The following MYCBP2 variants were observed in gnomAD, a reference collection of about 807,000 sequenced individuals.
MYCBP2 encodes the protein E3 ubiquitin-protein ligase MYCBP2.
MYCBP2 carries 120 observed loss-of-function variants against 525.3 expected under a neutral mutation model. The ratio of observed to expected loss-of-function variants is 0.23; its 90% CI spans 0.20 to 0.27. The LOEUF is 0.27. Ranked by LOEUF, MYCBP2 falls within the 10% of genes least tolerant of loss-of-function variation. The pLI is 1.00. For synonymous variants in MYCBP2, 1,894 were observed against 1,955.8 expected, an observed-to-expected ratio of 0.97 and a Z score of 0.83; for missense variants, 4,149 against 5,657.1, an observed-to-expected ratio of 0.73 and a Z score of 8.55.
At chr13:77,272,210 T>G (rs2074996062) in intron 5 of MYCBP2, 1 of 152,234 alleles carries the variant, frequency 6.6e-6, no homozygotes, top group African/African-American at 2.4e-5. Context: ...AATATTTCAC[T>G]CTTACTCTCA....
In MYCBP2 at chr13:77,144,445, C is replaced by T. The variant is rs1183326913; in HGVS notation, c.7303G>A (p.Asp2435Asn). Residue 2435 changes from aspartate (D) to asparagine (N), a missense_variant and splice_region_variant, in exon 49 of 83, where the codon GAT becomes AAT. Coordinates refer to ENST00000544440, the MANE Select transcript of MYCBP2 (RefSeq NM_015057.5). ...LHVTIDGIEI[D>N]AGLEVKVKDP... ...TAGCTCATGGCTTTAAAGAAAATAC[C>T]GATTTCAATGCCATCAATGGTAACA... The T allele has an allele frequency of 2.5e-6, 4 of 1,599,804 alleles. No individual in the cohort carries two copies. The highest frequency in any genetic ancestry group is 1.3e-5 in the African/African-American group (1 of 74,480).
intron 14 of MYCBP2, among the ~76,000 whole-genome samples, chr13:77,255,177 C>T (rs762469734): frequency 5.3e-5 from 8 of 151,876 alleles, no homozygotes; most frequent in Admixed American, 3.3e-4. Context: ...CACCTTCATA[C>T]GAATGAAAAA....
intron 10 of MYCBP2, 143 bp downstream of exon 10, chr13:77,263,508 A>G (rs2073638728): frequency 5.0e-6 from 3 of 602,954 alleles, no homozygotes; most frequent in East Asian, 5.8e-5. Context: ...TATTAATTCA[A>G]AATTATCCTT....
intron 2 of MYCBP2, among the ~76,000 whole-genome samples, chr13:77,295,477 G>A (rs2078083257): frequency 6.6e-6 from 1 of 152,122 alleles, no homozygotes; most frequent in Non-Finnish European, 1.5e-5. Flanking sequence ...TCAAGATAGA[G>A]CCACCAAATA....
At chr13:77,083,599 G>A (rs1362398304) in intron 62 of MYCBP2, among the ~76,000 whole-genome samples, 1 of 151,824 alleles carries the variant, frequency 6.6e-6, no homozygotes, top group Non-Finnish European at 1.5e-5. Context: ...TAGAAGTTGG[G>A]GTGGTCACTA....
At chr13:77,286,292 G>T (rs2154357078) in intron 3 of MYCBP2, among the ~76,000 whole-genome samples, 1 of 152,230 alleles carries the variant, frequency 6.6e-6, no homozygotes, top group South Asian at 2.1e-4. Context: ...TATCAGTTTA[G>T]TAAAAAGGCA....
At chr13:77,187,777 T>G (rs2060868465) in intron 30 of MYCBP2, among the ~76,000 whole-genome samples, 1 of 151,882 alleles carries the variant, frequency 6.6e-6, no homozygotes, top group South Asian at 2.1e-4. Flanking sequence ...CCGGGTGCGG[T>G]GGCTCACACC....
intron 55 of MYCBP2, among the ~76,000 whole-genome samples, chr13:77,112,330 TTTATA>T (rs1339398107): frequency 6.8e-6 from 1 of 146,038 alleles, no homozygotes; most frequent in Non-Finnish European, 1.5e-5. Flanking sequence ...TAATGTTTTA[TTTATA>T]TAATATATAT....
At chr13:77,284,942 A>T (rs1338487997) in intron 3 of MYCBP2, among the ~76,000 whole-genome samples, 1 of 152,218 alleles carries the variant, frequency 6.6e-6, no homozygotes, top group Non-Finnish European at 1.5e-5. Context: ...GAACCCCAGC[A>T]GTTTGGCTCC....
intron 23 of MYCBP2, among the ~76,000 whole-genome samples, chr13:77,208,602 C>G (rs1038099739): frequency 6.6e-6 from 1 of 152,000 alleles, no homozygotes; most frequent in African/African-American, 2.4e-5. Context: ...AGCAAAAAAT[C>G]TAACTTTTAG....
At chr13:77,268,128 T>C (rs921341202) in intron 7 of MYCBP2, among the ~76,000 whole-genome samples, 191 bp from the exon 8 acceptor site, 2 of 152,106 alleles carry the variant, frequency 1.3e-5, no homozygotes, top group Non-Finnish European at 2.9e-5. Flanking sequence ...TTATTGAAAA[T>C]TGATGTAACA....
chr13:77,089,046 G>T lies in MYCBP2; in HGVS notation c.10526-15C>A, dbSNP rs768685205. 1.3e-6 allele frequency: 2 copies of T among 1,584,676 alleles called. No individual in the cohort carries two copies. Among genetic ancestry groups the T allele is most frequent in the Non-Finnish European group, 1.7e-6 (2 of 1,163,760 alleles). On this transcript the variant is annotated splice_polypyrimidine_tract_variant and intron_variant, in intron 60 of 82. Transcript: ENST00000544440. ...AGAACCAACTTCTATTAAAGAAAAA[G>T]AAAATTATTAATTTTCATAGGCAGT...
chr13:77,051,215 C>T, intron 81 of MYCBP2, 53 bp from the exon 82 acceptor site: 1 of 1,518,104 alleles, frequency 6.6e-7, no homozygotes, highest in African/African-American at 1.4e-5. Flanking sequence ...CTATTTCAAT[C>T]ACACTTAAGA....
Position 77,097,956 on chromosome 13 carries a change from A to T in MYCBP2, c.9198T>A (p.Ala3066=). 2 of 1,613,482 alleles carry T rather than the reference A, an allele frequency of 1.2e-6. No individual in the cohort carries two copies. Among genetic ancestry groups the T allele is most frequent in the Non-Finnish European group, 1.7e-6 (2 of 1,179,740 alleles). Residue 3066 remains alanine (A), a synonymous_variant, in exon 56 of 83, where the codon GCT becomes GCA. Coordinates refer to ENST00000544440, the MANE Select transcript of MYCBP2 (RefSeq NM_015057.5). The part of the protein sequence containing the change: ...KFHPELSKEH[A]PIRSSLNSQQ... ...GGCTATTTAAACTACTCCTTATAGG[A>T]GCATGTTCTTTGGAAAGTTCAGGAT...
chr13:77,138,002 T>C (rs186195232), intron 52 of MYCBP2, among the ~76,000 whole-genome samples: 11 of 152,340 alleles, frequency 7.2e-5, no homozygotes, highest in Admixed American at 5.9e-4. Flanking sequence ...TACACTTTCA[T>C]AGAGGGTCAA....
chr13:77,136,901 G>C (rs2154179161), intron 52 of MYCBP2, among the ~76,000 whole-genome samples: 1 of 152,100 alleles, frequency 6.6e-6, no homozygotes, highest in South Asian at 2.1e-4. Context: ...TCAGTCTTCA[G>C]TCTTGTCATC....
rs2071322660 is a variant in MYCBP2, at chr13:77,252,165, C to T, written c.2177-810G>A. 1.3e-5 allele frequency among the ~76,000 whole-genome samples: 2 copies of T among 152,154 alleles called. 1 individual carries two copies. The highest frequency in any genetic ancestry group is 4.1e-4 in the South Asian group (2 of 4,838). On this transcript the variant is annotated intron_variant, in intron 14 of 82. Coordinates refer to ENST00000544440, the MANE Select transcript of MYCBP2 (RefSeq NM_015057.5). The stretch of plus-strand genomic sequence containing the variant: ...TTCATCTTTTTTTCTAAATTGAACA[C>T]CTACTATACTCCAGGGATTCCTTCA...
Position 77,189,011 on chromosome 13 carries a change from T to C in MYCBP2, c.4191A>G (p.Lys1397=), listed in dbSNP as rs745687570. 3.7e-6 allele frequency: 6 copies of C among 1,611,352 alleles called. No homozygotes were observed. The East Asian group carries it at 1.3e-4, about 36-fold the overall frequency. ...PTSDGSASKG[K]QQTSEPVHIL... ...TGTGTACAGGTTCACTGGTTTGCTG[T>C]TTGCCTTTTGAAGCACTGCCATCAC... is the stretch of plus-strand genomic sequence containing the variant. Residue 1397 remains lysine (K), a synonymous_variant, in exon 30 of 83, where the codon AAA becomes AAG. Coordinates refer to ENST00000544440, the MANE Select transcript of MYCBP2 (RefSeq NM_015057.5).
At chr13:77,225,948 T>C (rs1247675044) in intron 18 of MYCBP2, among the ~76,000 whole-genome samples, 1 of 152,196 alleles carries the variant, frequency 6.6e-6, no homozygotes, top group African/African-American at 2.4e-5. Context: ...AGTGATATTG[T>C]TAGTACTAGC....
Sources: allele counts gnomAD v4.1 joint callset (sites outside exome capture counted in the v4.1 genomes callset), GRCh38; gene constraint gnomAD v4.1.1; transcripts MANE v1.5; gene names NCBI Gene and HGNC (gene_info 2026-07-23, HGNC 2026-07-21).